The following CD151 variants were observed in gnomAD, a reference collection of about 807,000 sequenced individuals.
The protein encoded by CD151 is CD151 molecule (Raph blood group).
A neutral mutation model predicts 34.2 loss-of-function variants in CD151; 20 were observed. The observed-to-expected ratio is 0.58, with a 90% CI of 0.41 to 0.85. CD151 has a LOEUF of 0.85. Among genes scored for constraint, CD151 ranks in the 40% least tolerant of loss-of-function variants. The pLI, the probability that CD151 is intolerant of heterozygous loss-of-function variation, is 0.00. For synonymous variants in CD151, 157 were observed against 131.7 expected (o/e 1.19, Z -1.32); for missense variants, 306 against 324.5 (o/e 0.94, Z 0.44).
rs1466146679 is a variant in CD151 at position 832,952 on chromosome 11, A to G, written c.-144A>G. 3 of 147,166 alleles carry G rather than the reference A, an allele frequency of 2.0e-5. No individual in the cohort carries two copies. Among genetic ancestry groups the G allele is most frequent in the African/African-American group, 5.0e-5 (2 of 40,072 alleles). 9.1% of individuals were successfully genotyped at this position (147,166 alleles called of 1,614,324 possible). On this transcript the variant is annotated 5_prime_UTR_variant, in exon 1 of 9. Coordinates refer to ENST00000397420, the MANE Select transcript of CD151 (RefSeq NM_004357.5). ...CCCCCTCGTAGGCTCCGGGCCGCGCATTCTCAGCGCTGGGAGCCGCCGCCC... is the reference window on the plus strand; with the variant it reads ...CCCCCTCGTAGGCTCCGGGCCGCGCGTTCTCAGCGCTGGGAGCCGCCGCCC...
chr11:837,640 G>A (rs1216215367), intron 7 of CD151, 22 bp downstream of exon 7: 3 of 1,602,102 alleles, frequency 1.9e-6, no homozygotes, highest in East Asian at 2.3e-5. Context: ...GCGGGATCAT[G>A]CCTCCAGTGT....
Position 836,541 on chromosome 11 carries a change from G to T in CD151, c.276+99G>T, listed in dbSNP as rs1055137245. 4.8e-5 allele frequency: 19 copies of T among 397,908 alleles called. 1 individual carries two copies. The highest frequency in any genetic ancestry group is 1.1e-4 in the African/African-American group (1 of 9,436). 24.6% of individuals were successfully genotyped at this position (397,908 alleles called of 1,614,324 possible). On this transcript the variant is annotated intron_variant, in intron 4 of 8. Transcript: ENST00000397420. ...ACCTGTGCCTTGCTGTGCTCACCTG[G>T]GGGGGGGGTCACGGTCCTTCCACAC...
Position 838,597 on chromosome 11 carries a change from C to G in CD151, c.*405C>G. ...GTTGGGGAAGCCAGGTGAGCTCTGA[C>G]CCTTGGGCCTGGGCCTCTGCCCCTC... is the stretch of plus-strand genomic sequence containing the variant. On this transcript the variant is annotated 3_prime_UTR_variant, in exon 9 of 9. Coordinates refer to ENST00000397420, the MANE Select transcript of CD151 (RefSeq NM_004357.5). 1 of 284,180 alleles carries G rather than the reference C, an allele frequency of 3.5e-6. No individual in the cohort carries two copies. The highest frequency in any genetic ancestry group is 4.2e-5 in the South Asian group (1 of 23,848). 17.6% of individuals were successfully genotyped at this position (284,180 alleles called of 1,614,324 possible). A position where few individuals can be genotyped will look rare whatever the true frequency, so the allele number is the denominator to read the frequency against.
Position 837,291 on chromosome 11 carries a change from C to T in CD151, c.393C>T (p.Thr131=). Reference sequence around the variant, plus strand: ...AGGAGAACCTGAAGGACACCATGACCAAGCGCTACCACCAGCCGGGCCATG... The same window carrying T: ...AGGAGAACCTGAAGGACACCATGACTAAGCGCTACCACCAGCCGGGCCATG... ...ELKENLKDTM[T]KRYHQPGHEA... The change falls in exon 6 of 9, where the codon ACC becomes ACT. Residue 131 remains threonine (T), a synonymous_variant. Transcript: ENST00000397420. 6.2e-7 allele frequency: 1 copy of T among 1,613,084 alleles called. No homozygotes were observed.
chr11:837,096 A>C, intron 5 of CD151, 154 bp from the exon 6 acceptor site: 1 of 688,350 alleles, frequency 1.5e-6, no homozygotes, highest in Middle Eastern at 2.6e-4. Context: ...TCCTGGCACC[A>C]CCCAACCTCC....
At chr11:837,437 C>A in intron 6 of CD151, 23 bp from the exon 7 acceptor site, 1 of 1,612,378 alleles carries the variant, frequency 6.2e-7, no homozygotes, top group Non-Finnish European at 8.5e-7. Context: ...CAGGTCTCAA[C>A]CCCAGCCTTG....
intron 1 of CD151, among the ~76,000 whole-genome samples, chr11:834,277 T>C (rs556166457): frequency 6.6e-6 from 1 of 152,208 alleles, no homozygotes; most frequent in African/African-American, 2.4e-5. Context: ...GAGAATTGCT[T>C]GAACTCAGGA....
At chr11:833,228 C>G (rs1846600815) in intron 1 of CD151, among the ~76,000 whole-genome samples, 1 of 151,558 alleles carries the variant, frequency 6.6e-6, no homozygotes, top group Non-Finnish European at 1.5e-5. Context: ...GCTCCCTCGC[C>G]TGCCCTTCCG....
Position 838,282 on chromosome 11 carries a change from T to C in CD151, c.*90T>C. On this transcript the variant is annotated 3_prime_UTR_variant, in exon 9 of 9. Coordinates refer to ENST00000397420, the MANE Select transcript of CD151 (RefSeq NM_004357.5). Reference sequence around the variant, plus strand: ...CTGGGCTCCCTGATGACACCCACCCTGTGCCATCACCATAACCTCTGGGGA... The same window carrying C: ...CTGGGCTCCCTGATGACACCCACCCCGTGCCATCACCATAACCTCTGGGGA... The C allele has an allele frequency of 1.8e-6, 2 of 1,088,196 alleles. No homozygotes were observed. The highest frequency in any genetic ancestry group is 1.3e-5 in the South Asian group (1 of 78,748). The allele number at this position is 1,088,196 out of a possible 1,614,324, so 67.4% of individuals were successfully genotyped here. A position where few individuals can be genotyped will look rare whatever the true frequency, so the allele number is the denominator to read the frequency against.
In CD151 at chr11:838,286, C is replaced by T. The variant is rs1846858919; in HGVS notation, c.*94C>T. ...GCTCCCTGATGACACCCACCCTGTG[C>T]CATCACCATAACCTCTGGGGACCCC... On this transcript the variant is annotated 3_prime_UTR_variant, in exon 9 of 9. Coordinates refer to ENST00000397420, the MANE Select transcript of CD151 (RefSeq NM_004357.5). 1 of 1,052,640 alleles carries T rather than the reference C, an allele frequency of 9.5e-7. No homozygotes were observed. Among genetic ancestry groups the T allele is most frequent in the East Asian group, 2.4e-5 (1 of 41,780 alleles). The allele number at this position is 1,052,640 out of a possible 1,614,324, so 65.2% of individuals were successfully genotyped here. A position where few individuals can be genotyped will look rare whatever the true frequency, so the allele number is the denominator to read the frequency against.
rs765034001 is a variant in CD151 at position 838,196 on chromosome 11, T to C, written c.*4T>C. 6.2e-7 allele frequency: 1 copy of C among 1,612,014 alleles called. No homozygotes were observed. The highest frequency in any genetic ancestry group is 1.7e-4 in the Middle Eastern group (1 of 6,058). On this transcript the variant is annotated 3_prime_UTR_variant, in exon 9 of 9. Transcript: ENST00000397420. ...TCTCAAGCTGGAGCACTACTGACCC[T>C]GCCTTGGGCCTTGCTGCTGCTGCAC...
At chr11:835,995 C>A in intron 2 of CD151, 68 bp from the exon 3 acceptor site, 1 of 933,658 alleles carries the variant, frequency 1.1e-6, no homozygotes, top group African/African-American at 1.6e-5. Flanking sequence ...CCCTGTGTCC[C>A]CTCCTATCCG....
chr11:838,307 AC>A lies in CD151; in HGVS notation c.*119del. The A allele has an allele frequency of 1.2e-6, 1 of 800,538 alleles. No individual in the cohort carries two copies. The highest frequency in any genetic ancestry group is 1.7e-5 in the South Asian group (1 of 60,508). The allele number at this position is 800,538 out of a possible 1,614,324, so 49.6% of individuals were successfully genotyped here. Reference sequence around the variant, plus strand: ...TGTGCCATCACCATAACCTCTGGGGACCCCAACCTCAGAGGCAGCTTCAAGT... The same window carrying A: ...TGTGCCATCACCATAACCTCTGGGGACCCAACCTCAGAGGCAGCTTCAAGT... On this transcript the variant is annotated 3_prime_UTR_variant, in exon 9 of 9. Coordinates refer to ENST00000397420, the MANE Select transcript of CD151 (RefSeq NM_004357.5).
chr11:835,193 GCAC>G (rs1261849224), intron 2 of CD151: 4 of 152,240 alleles, frequency 2.6e-5, no homozygotes, highest in Non-Finnish European at 4.4e-5. Flanking sequence ...CTGTCTGTGG[GCAC>G]CAGGGGTCTG....
At position 838,031 on chromosome 11, in the gene CD151, G is replaced by A. The variant is rs368998046; in HGVS notation, c.702+3G>A. On this transcript the variant is annotated splice_donor_region_variant and intron_variant, in intron 8 of 8. Transcript: ENST00000397420. ...GGATCGGCATTGCCTGTGTGCAGGT[G>A]AGGGCACATGGGGGTGGCGGTCATC... 1.9e-6 allele frequency: 3 copies of A among 1,612,518 alleles called. No homozygotes were observed. Among genetic ancestry groups the A allele is most frequent in the Admixed American group, 1.7e-5 (1 of 59,970 alleles).
At position 836,093 on chromosome 11, in the gene CD151, GACA is replaced by G; in HGVS notation, c.28_30del (p.Thr10del). 4.3e-6 allele frequency: 7 copies of G among 1,612,714 alleles called. No individual in the cohort carries two copies. In the Admixed American group the frequency reaches 5.0e-5, roughly 12 times the overall value. Reference sequence around the variant, plus strand: ...GGATGGGTGAGTTCAACGAGAAGAAGACAACATGTGGCACCGTTTGCCTCAAGT... The same window carrying G: ...GGATGGGTGAGTTCAACGAGAAGAAGACATGTGGCACCGTTTGCCTCAAGT... On this transcript the variant is annotated inframe_deletion, in exon 3 of 9. Coordinates refer to ENST00000397420, the MANE Select transcript of CD151 (RefSeq NM_004357.5).
At chr11:834,290 C>T (rs541622924) in intron 1 of CD151, among the ~76,000 whole-genome samples, 5 of 152,150 alleles carry the variant, frequency 3.3e-5, no homozygotes, top group South Asian at 4.1e-4. Flanking sequence ...ACTCAGGAGG[C>T]GGAGGTTGCA....
chr11:833,236 C>T (rs1846601286), intron 1 of CD151, among the ~76,000 whole-genome samples: 1 of 151,338 alleles, frequency 6.6e-6, no homozygotes, highest in South Asian at 2.1e-4. Flanking sequence ...GCCTGCCCTT[C>T]CGCGGGAGGC....
Position 836,808 on chromosome 11 carries a change from A to T in CD151, c.316A>T (p.Ile106Phe). 6.2e-7 allele frequency: 1 copy of T among 1,612,718 alleles called. No homozygotes were observed. Among genetic ancestry groups the T allele is most frequent in the Non-Finnish European group, 8.5e-7 (1 of 1,179,920 alleles). ...CCTCATCATCTTTCTGCTGGAGATC[A>T]TCGCTGGTATCCTCGCCTACGCCTA... ...LLLIIFLLEIIAGILAYAYYQ... is the reference protein window; with the variant it reads ...LLLIIFLLEIFAGILAYAYYQ... The change falls in exon 5 of 9, where the codon ATC (isoleucine) becomes TTC (phenylalanine). Residue 106 changes from isoleucine (I) to phenylalanine (F), a missense_variant. Transcript: ENST00000397420.
Sources: gnomAD v4.1 joint callset for allele counts (sites outside exome capture counted in the v4.1 genomes callset) on GRCh38, gnomAD v4.1.1 for gene constraint, MANE v1.5 for transcripts, NCBI Gene and HGNC (gene_info 2026-07-23, HGNC 2026-07-21) for gene names.